CDH13: variants seen among roughly 807,000 people sequenced by gnomAD.
CDH13 encodes the protein cadherin 13.
In CDH13, 24 loss-of-function variants were observed where a neutral mutation model predicts 63.8. That is an observed-to-expected ratio of 0.38 (90% confidence interval 0.27 to 0.53). The LOEUF (loss-of-function observed/expected upper bound fraction) is 0.53, where lower values mean the gene tolerates loss of function less well. Among genes scored for constraint, CDH13 ranks in the 20% least tolerant of loss-of-function variants. CDH13 has a pLI of 0.85. For missense variants in CDH13, 1,049 were observed against 903.1 expected, an observed-to-expected ratio of 1.16 and a Z score of -2.07; for synonymous variants, 503 against 355.3, an observed-to-expected ratio of 1.42 and a Z score of -4.67.
At position 83,215,073 on chromosome 16, in the gene CDH13, C is replaced by CTTTTTTTTTTTTTTTTTT. The variant is rs571565652; in HGVS notation, c.484-2268_484-2251dup. On this transcript the variant is annotated intron_variant, in intron 4 of 13. Transcript: ENST00000567109. Reference sequence around the variant, plus strand: ...TTTCATCAGAGAGTATCAAACACCTCTTTTTTTTTTTTTTTTTTTTTGAGA... The same window carrying CTTTTTTTTTTTTTTTTTT: ...TTTCATCAGAGAGTATCAAACACCTCTTTTTTTTTTTTTTTTTTTTTTTTTTTTTTTTTTTTTTTGAGA... Among the ~76,000 whole-genome samples the CTTTTTTTTTTTTTTTTTT allele has an allele frequency of 1.8e-4, 10 of 56,240 alleles. 4 individuals carry two copies. Among genetic ancestry groups the CTTTTTTTTTTTTTTTTTT allele is most frequent in the Non-Finnish European group, 1.8e-4 (6 of 33,078 alleles). 36.9% of individuals were successfully genotyped at this position (56,240 alleles called of 152,430 possible).
chr16:82,982,465 C>A (rs373757245), intron 2 of CDH13, among the ~76,000 whole-genome samples: 1 of 152,172 alleles, frequency 6.6e-6, no homozygotes, highest in Non-Finnish European at 1.5e-5. Flanking sequence ...AGAGCCATAG[C>A]GGAGAATCTG....
At chr16:82,739,903 G>C (rs1214717045) in intron 1 of CDH13, among the ~76,000 whole-genome samples, 3 of 151,928 alleles carry the variant, frequency 2.0e-5, no homozygotes, top group African/African-American at 7.3e-5. Flanking sequence ...TTGAACTCTT[G>C]GTGTTGGCTA....
chr16:82,837,197 G>T (rs1037988662), intron 1 of CDH13, among the ~76,000 whole-genome samples: 1 of 152,172 alleles, frequency 6.6e-6, no homozygotes, highest in African/African-American at 2.4e-5. Context: ...TTTCCCTCAG[G>T]CTCAGCGGGG....
intron 3 of CDH13, among the ~76,000 whole-genome samples, chr16:83,116,889 G>C (rs1247568911): frequency 6.6e-6 from 1 of 152,182 alleles, no homozygotes; most frequent in Non-Finnish European, 1.5e-5. Context: ...ATTGTGGGAG[G>C]AGCCTGAGTG....
At chr16:83,567,361 A>C (rs993864347) in intron 7 of CDH13, among the ~76,000 whole-genome samples, 2 of 152,166 alleles carry the variant, frequency 1.3e-5, no homozygotes, top group African/African-American at 4.8e-5. Context: ...TCAGAGATGA[A>C]TGAGTGCCCC....
intron 5 of CDH13, among the ~76,000 whole-genome samples, chr16:83,334,618 C>G (rs1217217726): frequency 1.3e-5 from 2 of 152,032 alleles, no homozygotes; most frequent in Non-Finnish European, 1.5e-5. Context: ...TCAATCATTC[C>G]TCCCGCCTTA....
chr16:83,236,236 T>C (rs200527046), intron 5 of CDH13, among the ~76,000 whole-genome samples: 2 of 18,036 alleles, frequency 1.1e-4, no homozygotes, highest in East Asian at 2.0e-3. Context: ...CACACGCACA[T>C]GCACACACAC....
chr16:83,091,045 C>T (rs959662256), intron 3 of CDH13, among the ~76,000 whole-genome samples: 3 of 152,072 alleles, frequency 2.0e-5, no homozygotes, highest in Non-Finnish European at 2.9e-5. Flanking sequence ...TATGTTGCTA[C>T]ATGATCTTTG....
At chr16:82,870,395 A>G (rs548034130) in intron 2 of CDH13, among the ~76,000 whole-genome samples, 150 of 152,314 alleles carry the variant, frequency 9.8e-4, no homozygotes, top group Admixed American at 2.8e-3. Context: ...GCCACTATGC[A>G]GAACACTATG....
Position 83,446,130 on chromosome 16 carries a change from C to G in CDH13, c.782-40347C>G, listed in dbSNP as rs566270562. On this transcript the variant is annotated intron_variant, in intron 6 of 13. Transcript: ENST00000567109. ...CCAGCATGGCCAACGTGGTGAAACC[C>G]CATCTCTACAAAAAATACAGAAATT... Among the ~76,000 whole-genome samples, 4 of 151,792 alleles carry G rather than the reference C, an allele frequency of 2.6e-5. No homozygotes were observed. The South Asian group carries it at 8.3e-4, about 32-fold the overall frequency.
intron 2 of CDH13, among the ~76,000 whole-genome samples, chr16:82,990,911 G>A (rs574467875): frequency 2.0e-5 from 3 of 152,278 alleles, no homozygotes; most frequent in African/African-American, 7.2e-5. Flanking sequence ...GTTGACTCAA[G>A]AATTAAAGGG....
intron 2 of CDH13, among the ~76,000 whole-genome samples, chr16:83,010,838 C>T (rs1269740338): frequency 6.6e-6 from 1 of 152,206 alleles, no homozygotes; most frequent in Non-Finnish European, 1.5e-5. Flanking sequence ...AGCTTACGTG[C>T]AGTTGGTTGT....
At chr16:82,859,888 A>G (rs779363782) in intron 2 of CDH13, among the ~76,000 whole-genome samples, 1 of 152,214 alleles carries the variant, frequency 6.6e-6, no homozygotes, top group Non-Finnish European at 1.5e-5. Flanking sequence ...AATGACGCCA[A>G]TGAAATCATT....
At chr16:82,881,360 G>A (rs982417038) in intron 2 of CDH13, among the ~76,000 whole-genome samples, 2 of 151,992 alleles carry the variant, frequency 1.3e-5, no homozygotes, top group African/African-American at 4.8e-5. Context: ...GGAGGGAGGG[G>A]AAGAAAGCTG....
chr16:82,947,317 G>T (rs1006983949), intron 2 of CDH13, among the ~76,000 whole-genome samples: 3 of 152,042 alleles, frequency 2.0e-5, no homozygotes, highest in African/African-American at 7.3e-5. Flanking sequence ...ACACAAGAGT[G>T]ACCAAGAGTG....
chr16:83,511,108 G>GCATGCACACACACATGCACATGTGCACA (rs1567724699), intron 7 of CDH13, among the ~76,000 whole-genome samples: 830 of 40,918 alleles, frequency 0.02, 2 homozygotes, highest in Admixed American at 0.038. Context: ...ACACATGCAC[G>GCATGCACACACACATGCACATGTGCACA]CATGCACACA....
chr16:83,276,814 G>A (rs2089004076), intron 5 of CDH13, among the ~76,000 whole-genome samples: 1 of 152,132 alleles, frequency 6.6e-6, no homozygotes, highest in Non-Finnish European at 1.5e-5. Flanking sequence ...GAGCCTACAG[G>A]AGCCAAGATC....
At chr16:82,645,097 G>A (rs576517871) in intron 1 of CDH13, among the ~76,000 whole-genome samples, 61 of 151,982 alleles carry the variant, frequency 4.0e-4, no homozygotes, top group Non-Finnish European at 5.0e-4. Flanking sequence ...AGTGGGTCTC[G>A]GGCACTAACT....
At chr16:82,780,252 C>G (rs2035690736) in intron 1 of CDH13, among the ~76,000 whole-genome samples, 1 of 152,172 alleles carries the variant, frequency 6.6e-6, no homozygotes, top group Non-Finnish European at 1.5e-5. Flanking sequence ...CTTGAAAGCT[C>G]TGTCTCCACT....
Sources: gnomAD v4.1 joint callset for allele counts (sites outside exome capture counted in the v4.1 genomes callset) on GRCh38, gnomAD v4.1.1 for gene constraint, MANE v1.5 for transcripts, NCBI Gene and HGNC (gene_info 2026-07-23, HGNC 2026-07-21) for gene names.